The following GRID2 variants were observed in gnomAD, a reference collection of about 807,000 sequenced individuals.
GRID2 encodes glutamate receptor ionotropic, delta-2.
In GRID2, 33 loss-of-function variants were observed where a neutral mutation model predicts 114.8. The observed-to-expected ratio is 0.29, with a 90% CI of 0.22 to 0.38. The LOEUF is 0.38. Ranked by LOEUF, GRID2 falls within the 10% of genes least tolerant of loss-of-function variation. GRID2 has a pLI of 1.00. For missense variants in GRID2, 1,184 were observed against 1,257.7 expected, an observed-to-expected ratio of 0.94 and a Z score of 0.89; for synonymous variants, 505 against 449.9, an observed-to-expected ratio of 1.12 and a Z score of -1.55.
chr4:93,307,632 A>G (rs1560480829), intron 8 of GRID2, among the ~76,000 whole-genome samples: 1 of 152,168 alleles, frequency 6.6e-6, no homozygotes, highest in Non-Finnish European at 1.5e-5. Context: ...TTTTGCAAAT[A>G]ATAATTTTAA....
At chr4:92,564,825 A>G (rs987075927) in intron 1 of GRID2, among the ~76,000 whole-genome samples, 1 of 152,056 alleles carries the variant, frequency 6.6e-6, no homozygotes, top group Non-Finnish European at 1.5e-5. Context: ...TATAAAATAT[A>G]TATTTTCGTG....
At chr4:92,565,837 G>C (rs1025164595) in intron 1 of GRID2, among the ~76,000 whole-genome samples, 3 of 151,894 alleles carry the variant, frequency 2.0e-5, no homozygotes, top group Non-Finnish European at 2.9e-5. Context: ...GAGTGTATTG[G>C]TTTGTTATTG....
At chr4:93,537,113 T>G (rs1456410289) in intron 13 of GRID2, among the ~76,000 whole-genome samples, 1 of 151,836 alleles carries the variant, frequency 6.6e-6, no homozygotes, top group African/African-American at 2.4e-5. Flanking sequence ...GTATAATTAT[T>G]TTCTGACTTG....
At chr4:93,066,553 G>A (rs1728313499) in intron 2 of GRID2, among the ~76,000 whole-genome samples, 1 of 151,834 alleles carries the variant, frequency 6.6e-6, no homozygotes, top group South Asian at 2.1e-4. Flanking sequence ...TCTGGTAGAC[G>A]ACTGAAACTA....
chr4:92,399,688 T>C (rs1398059629), intron 1 of GRID2, among the ~76,000 whole-genome samples: 1 of 149,930 alleles, frequency 6.7e-6, no homozygotes, highest in Non-Finnish European at 1.5e-5. Flanking sequence ...TATATATACA[T>C]ACATGTGTGT....
chr4:92,922,739 C>G (rs1008545770), intron 2 of GRID2, among the ~76,000 whole-genome samples: 1 of 152,148 alleles, frequency 6.6e-6, no homozygotes, highest in Admixed American at 6.6e-5. Context: ...TGAATCACCA[C>G]TATACAAAAG....
At chr4:93,746,327 T>C (rs531248580) in intron 14 of GRID2, among the ~76,000 whole-genome samples, 1 of 152,228 alleles carries the variant, frequency 6.6e-6, no homozygotes, top group African/African-American at 2.4e-5. Context: ...TAATGAGTAG[T>C]TCTACTGTAA....
intron 2 of GRID2, among the ~76,000 whole-genome samples, chr4:93,075,964 C>T (rs1352600223): frequency 3.2e-5 from 4 of 126,520 alleles, no homozygotes; most frequent in Non-Finnish European, 6.2e-5. Flanking sequence ...AGTGCAGTGG[C>T]GCGATCTCGG....
At chr4:93,711,820 A>C (rs1414634253) in intron 14 of GRID2, among the ~76,000 whole-genome samples, 1 of 152,162 alleles carries the variant, frequency 6.6e-6, no homozygotes, top group Non-Finnish European at 1.5e-5. Flanking sequence ...TACCCTCCTC[A>C]GTGCCTCTTT....
chr4:92,324,667 G>T (rs1292833329), intron 1 of GRID2, among the ~76,000 whole-genome samples: 1 of 151,572 alleles, frequency 6.6e-6, no homozygotes, highest in Non-Finnish European at 1.5e-5. Context: ...AAGCCTTAAA[G>T]TAATACTAAA....
In GRID2 at chr4:93,223,192, G is replaced by A. The variant is rs529219234; in HGVS notation, c.964-1422G>A. 1.1e-4 allele frequency among the ~76,000 whole-genome samples: 17 copies of A among 152,116 alleles called. 2 individuals are homozygous for A. The East Asian group carries it at 1.9e-3, about 17-fold the overall frequency. ...TATAGCAGACTTCAGCCATTCTTTT[G>A]TAGTCTATCTAGTAATTATCAGGCA... On this transcript the variant is annotated intron_variant, in intron 6 of 15. Transcript: ENST00000282020.
At chr4:93,054,173 T>C (rs1726994964) in intron 2 of GRID2, among the ~76,000 whole-genome samples, 1 of 151,854 alleles carries the variant, frequency 6.6e-6, no homozygotes, top group African/African-American at 2.4e-5. Context: ...AAATTCCTCA[T>C]AGAAATGCTA....
intron 1 of GRID2, among the ~76,000 whole-genome samples, chr4:92,341,575 T>A (rs748397194): frequency 2.3e-4 from 35 of 152,106 alleles, no homozygotes; most frequent in Non-Finnish European, 4.7e-4. Flanking sequence ...CACTTGAGAA[T>A]CAAGGTTCAT....
chr4:93,154,300 AC>A (rs1352138048), intron 4 of GRID2, among the ~76,000 whole-genome samples: 2 of 151,952 alleles, frequency 1.3e-5, no homozygotes, highest in Non-Finnish European at 2.9e-5. Flanking sequence ...ATTTCTCCCC[AC>A]CACCACCCTA....
intron 2 of GRID2, among the ~76,000 whole-genome samples, chr4:92,697,286 G>A (rs1734462182): frequency 6.6e-6 from 1 of 152,064 alleles, no homozygotes; most frequent in African/African-American, 2.4e-5. Context: ...CATAACAGAG[G>A]AAATGAAGCG....
intron 1 of GRID2, among the ~76,000 whole-genome samples, chr4:92,588,657 C>G (rs1211339111): frequency 9.6e-6 from 1 of 104,400 alleles, no homozygotes; most frequent in African/African-American, 3.8e-5. Flanking sequence ...CCAGCCTGGG[C>G]AACAGAGTGA....
intron 8 of GRID2, among the ~76,000 whole-genome samples, chr4:93,334,158 T>A (rs1325405228): frequency 6.6e-6 from 1 of 152,194 alleles, no homozygotes; most frequent in Non-Finnish European, 1.5e-5. Flanking sequence ...CCAGTCCAAG[T>A]TGCTTGTGAT....
At chr4:93,150,323 A>G (rs1736621871) in intron 4 of GRID2, among the ~76,000 whole-genome samples, 1 of 152,160 alleles carries the variant, frequency 6.6e-6, no homozygotes, top group African/African-American at 2.4e-5. Flanking sequence ...CATTATATCT[A>G]TTATATATTA....
intron 5 of GRID2, among the ~76,000 whole-genome samples, chr4:93,209,157 G>A (rs1355618969): frequency 2.0e-5 from 3 of 152,004 alleles, no homozygotes; most frequent in Non-Finnish European, 2.9e-5. Flanking sequence ...AGGTAAACTC[G>A]TGTCATGGGG....
Sources: allele counts gnomAD v4.1 joint callset (sites outside exome capture counted in the v4.1 genomes callset), GRCh38; gene constraint gnomAD v4.1.1; transcripts MANE v1.5; gene names NCBI Gene and HGNC (gene_info 2026-07-23, HGNC 2026-07-21).